BICC1: variants seen among roughly 807,000 people sequenced by gnomAD.
BICC1 encodes the protein protein bicaudal C homolog 1.
Under a neutral mutation model 111.0 loss-of-function variants are expected in BICC1, and 43 were observed. The ratio of observed to expected loss-of-function variants is 0.39; its 90% CI spans 0.30 to 0.50. The LOEUF (loss-of-function observed/expected upper bound fraction) is 0.50, where lower values mean the gene tolerates loss of function less well. Among genes scored for constraint, BICC1 ranks in the 20% least tolerant of loss-of-function variants. BICC1 has a pLI of 0.88. For missense variants in BICC1, 1,091 were observed against 1,203.2 expected, an observed-to-expected ratio of 0.91 and a Z score of 1.38; for synonymous variants, 467 against 434.4, an observed-to-expected ratio of 1.07 and a Z score of -0.93.
intron 17 of BICC1, 41 bp from the exon 18 acceptor site, chr10:58,813,789 C>T: frequency 2.5e-6 from 4 of 1,598,276 alleles, no homozygotes; most frequent in Non-Finnish European, 2.6e-6. Flanking sequence ...GAAAAACCCA[C>T]CTGATTAAAT....
Position 58,787,009 on chromosome 10 carries a change from G to A in BICC1, c.474G>A (p.Val158=). ...IGKGGNNIKK[V]MEETGCHIHF... is the part of the protein sequence containing the mutation. ...AAGGTGGCAACAATATTAAAAAAGTGATGGAAGAAACCGGATGCCATATCC... is the reference window on the plus strand; with the variant it reads ...AAGGTGGCAACAATATTAAAAAAGTAATGGAAGAAACCGGATGCCATATCC... The change falls in exon 5 of 21, where the codon GTG becomes GTA. Residue 158 remains valine, a synonymous_variant. Coordinates refer to ENST00000373886, the MANE Select transcript of BICC1 (RefSeq NM_001080512.3). 1 of 1,609,408 alleles carries A rather than the reference G, an allele frequency of 6.2e-7. No homozygotes were observed. The highest frequency in any genetic ancestry group is 1.7e-5 in the Admixed American group (1 of 59,262).
At chr10:58,824,603 G>A (rs75326857) in intron 20 of BICC1, among the ~76,000 whole-genome samples, 5 of 152,040 alleles carry the variant, frequency 3.3e-5, no homozygotes, top group Non-Finnish European at 5.9e-5. Flanking sequence ...AATCTGTGTC[G>A]TCAGCATTAC....
At chr10:58,559,008 A>G (rs1021126599) in intron 1 of BICC1, among the ~76,000 whole-genome samples, 1 of 151,918 alleles carries the variant, frequency 6.6e-6, no homozygotes, top group Non-Finnish European at 1.5e-5. Flanking sequence ...TGATACAAAT[A>G]TTCAAACCAT....
chr10:58,770,190 T>C (rs1233009342), intron 3 of BICC1, among the ~76,000 whole-genome samples: 1 of 152,136 alleles, frequency 6.6e-6, no homozygotes, highest in Non-Finnish European at 1.5e-5. Flanking sequence ...AAAAAATATA[T>C]ATTGTAGAAA....
chr10:58,518,591 G>T (rs201450498), intron 1 of BICC1, among the ~76,000 whole-genome samples: 6,604 of 23,424 alleles, frequency 0.28, 445 homozygotes, highest in African/African-American at 0.48. Context: ...TGTGTGTGTT[G>T]GGGGGGGGGG....
At chr10:58,542,880 G>T (rs1347476276) in intron 1 of BICC1, among the ~76,000 whole-genome samples, 1 of 152,066 alleles carries the variant, frequency 6.6e-6, no homozygotes, top group Non-Finnish European at 1.5e-5. Flanking sequence ...ACAAGTGTTG[G>T]TTAGGATCTG....
chr10:58,646,592 T>C (rs531581334), intron 2 of BICC1, among the ~76,000 whole-genome samples: 16 of 152,296 alleles, frequency 1.1e-4, no homozygotes, highest in African/African-American at 3.9e-4. Flanking sequence ...TTATATTTAG[T>C]CTCATGTGTC....
At position 58,732,573 on chromosome 10, in the gene BICC1, G is replaced by A. The variant is rs543889453; in HGVS notation, c.307+30430G>A. On this transcript the variant is annotated intron_variant, in intron 3 of 20. Transcript: ENST00000373886. ...AGGCAGGAGGATTCTTTGAGCCCAGGAGTTTGAGACCAGCCTGGGCAACAT... is the reference window on the plus strand; with the variant it reads ...AGGCAGGAGGATTCTTTGAGCCCAGAAGTTTGAGACCAGCCTGGGCAACAT... 1.6e-3 allele frequency among the ~76,000 whole-genome samples: 237 copies of A among 151,350 alleles called. 3 individuals carry two copies. The highest frequency in any genetic ancestry group is 2.4e-3 in the Non-Finnish European group (161 of 67,904).
At chr10:58,566,260 G>A (rs918158126) in intron 1 of BICC1, among the ~76,000 whole-genome samples, 4 of 133,542 alleles carry the variant, frequency 3.0e-5, no homozygotes, top group East Asian at 4.7e-4. Context: ...ATATACATAC[G>A]TGCATATGTA....
chr10:58,590,307 C>T (rs1452527555), intron 1 of BICC1, among the ~76,000 whole-genome samples: 1 of 152,134 alleles, frequency 6.6e-6, no homozygotes, highest in Non-Finnish European at 1.5e-5. Flanking sequence ...AAGCAGGAAT[C>T]GTGACATCTC....
At chr10:58,746,429 A>G (rs1439238910) in intron 3 of BICC1, among the ~76,000 whole-genome samples, 2 of 152,142 alleles carry the variant, frequency 1.3e-5, no homozygotes, top group Admixed American at 1.3e-4. Flanking sequence ...TTGCTCCCTC[A>G]TTGCTTCTGC....
intron 2 of BICC1, among the ~76,000 whole-genome samples, chr10:58,665,182 G>C (rs1025794634): frequency 3.9e-5 from 6 of 152,118 alleles, no homozygotes; most frequent in African/African-American, 1.4e-4. Context: ...GTCAGGTCTT[G>C]TGTGCCGAAG....
At chr10:58,579,351 G>A (rs559925863) in intron 1 of BICC1, among the ~76,000 whole-genome samples, 18 of 152,350 alleles carry the variant, frequency 1.2e-4, no homozygotes, top group African/African-American at 3.6e-4. Flanking sequence ...TTAAATATAA[G>A]TAATTATTTT....
At chr10:58,715,109 TA>T (rs1840697558) in intron 3 of BICC1, among the ~76,000 whole-genome samples, 1 of 151,218 alleles carries the variant, frequency 6.6e-6, no homozygotes, top group African/African-American at 2.4e-5. Flanking sequence ...GGAGGGAGAA[TA>T]AACGACATCT....
In BICC1 at chr10:58,808,443, A is replaced by G. The variant is rs569584068; in HGVS notation, c.2376+1285A>G. Among the ~76,000 whole-genome samples, 17 of 152,270 alleles carry G rather than the reference A, an allele frequency of 1.1e-4. No homozygotes were observed. In the South Asian group the frequency reaches 2.9e-3, roughly 26 times the overall value. ...GTGCCAGATTGTTGACTGTGTTCCT[A>G]TAGTTTCAAAGATGAAGTATTTGCT... On this transcript the variant is annotated intron_variant, in intron 17 of 20. Transcript: ENST00000373886.
intron 2 of BICC1, among the ~76,000 whole-genome samples, chr10:58,686,789 C>T (rs1047750333): frequency 7.9e-5 from 12 of 152,130 alleles, no homozygotes; most frequent in African/African-American, 2.9e-4. Context: ...TCAAGGTTTT[C>T]AGCTTCTTTG....
intron 3 of BICC1, among the ~76,000 whole-genome samples, chr10:58,766,737 C>A (rs1170231290): frequency 6.6e-6 from 1 of 151,732 alleles, no homozygotes; most frequent in African/African-American, 2.4e-5. Context: ...TTCATTTTAC[C>A]CATGTCACCT....
intron 1 of BICC1, among the ~76,000 whole-genome samples, chr10:58,517,619 C>G (rs1842276900): frequency 1.3e-5 from 2 of 152,086 alleles, no homozygotes; most frequent in South Asian, 2.1e-4. Context: ...AAAAACAAAT[C>G]AAATACATTT....
At position 58,617,529 on chromosome 10, in the gene BICC1, G is replaced by T. The variant is rs1341082101; in HGVS notation, c.191-3326G>T. ...CTGATAGAGCATGGTATACGAATGG[G>T]TCTAGCTGGGGTGCTGCTATTGCCT... On this transcript the variant is annotated intron_variant, in intron 1 of 20. Coordinates refer to ENST00000373886, the MANE Select transcript of BICC1 (RefSeq NM_001080512.3). 7.9e-5 allele frequency among the ~76,000 whole-genome samples: 12 copies of T among 152,354 alleles called. No homozygotes were observed. In the South Asian group the frequency reaches 2.5e-3, roughly 32 times the overall value.
Sources: allele counts gnomAD v4.1 joint callset (sites outside exome capture counted in the v4.1 genomes callset), GRCh38; gene constraint gnomAD v4.1.1; transcripts MANE v1.5; gene names NCBI Gene and HGNC (gene_info 2026-07-23, HGNC 2026-07-21).